The following MAGI2 variants were observed in gnomAD, a reference collection of about 807,000 sequenced individuals.
MAGI2 encodes the protein membrane associated guanylate kinase, WW and PDZ domain containing 2.
MAGI2 carries 35 observed loss-of-function variants against 133.3 expected under a neutral mutation model. That is an observed-to-expected ratio of 0.26 (90% CI 0.20 to 0.35). MAGI2 has a LOEUF of 0.35. Among genes scored for constraint, MAGI2 ranks in the 10% least tolerant of loss-of-function variants. The probability of loss-of-function intolerance (pLI) is 1.00; values close to 1 mark genes in which losing one functional copy is unlikely to be tolerated. For synonymous variants in MAGI2, 729 were observed against 710.6 expected (o/e 1.03, Z -0.41); for missense variants, 1,636 against 1,863.4 (o/e 0.88, Z 2.25).
chr7:78,325,898 G>A (rs1368598976), intron 9 of MAGI2, among the ~76,000 whole-genome samples: 2 of 152,166 alleles, frequency 1.3e-5, no homozygotes, highest in African/African-American at 4.8e-5. Flanking sequence ...CTCTCCAGAG[G>A]TATCTTTTGA....
intron 1 of MAGI2, among the ~76,000 whole-genome samples, chr7:79,149,063 A>T (rs1337648323): frequency 3.5e-5 from 5 of 143,954 alleles, no homozygotes; most frequent in African/African-American, 1.3e-4. Flanking sequence ...ATATAATATA[A>T]TATATTATAT....
intron 4 of MAGI2, among the ~76,000 whole-genome samples, chr7:78,503,909 G>T (rs1262926592): frequency 1.3e-5 from 2 of 151,664 alleles, no homozygotes; most frequent in South Asian, 4.2e-4. Context: ...GGAACTGTAG[G>T]TCAATTAAAC....
intron 9 of MAGI2, among the ~76,000 whole-genome samples, chr7:78,324,726 C>T (rs763536368): frequency 5.9e-5 from 9 of 152,002 alleles, no homozygotes; most frequent in Non-Finnish European, 7.4e-5. Flanking sequence ...TTTGGGAGGC[C>T]GAGGCTGGTG....
At chr7:78,355,953 T>C (rs1792035785) in intron 7 of MAGI2, among the ~76,000 whole-genome samples, 1 of 152,152 alleles carries the variant, frequency 6.6e-6, no homozygotes, top group African/African-American at 2.4e-5. Flanking sequence ...GTTTTACATA[T>C]TGGAGAAAGT....
intron 1 of MAGI2, among the ~76,000 whole-genome samples, chr7:79,444,867 A>T: frequency 6.6e-6 from 1 of 152,234 alleles, no homozygotes. Flanking sequence ...GTCAATCCTA[A>T]GCCAAAAGAA....
At chr7:78,893,693 A>G (rs1160312691) in intron 2 of MAGI2, among the ~76,000 whole-genome samples, 1 of 152,016 alleles carries the variant, frequency 6.6e-6, no homozygotes, top group African/African-American at 2.4e-5. Flanking sequence ...GAACACATGG[A>G]CACAGGAAGG....
rs189770063 is a variant in MAGI2, at chr7:78,732,519, C to A, written c.419-105280G>T. On this transcript the variant is annotated intron_variant, in intron 2 of 21. Transcript: ENST00000354212. Reference sequence around the variant, plus strand: ...AATCTGCAATTTACTTTGAAATGCACCAGAAATAGGATGGATTGAAAGAAG... The same window carrying A: ...AATCTGCAATTTACTTTGAAATGCAACAGAAATAGGATGGATTGAAAGAAG... Among the ~76,000 whole-genome samples, 37 of 151,996 alleles carry A rather than the reference C, an allele frequency of 2.4e-4. No individual in the cohort carries two copies. In the East Asian group the frequency reaches 7.0e-3, roughly 29 times the overall value.
chr7:79,362,418 T>C (rs1290290161), intron 1 of MAGI2, among the ~76,000 whole-genome samples: 1 of 152,114 alleles, frequency 6.6e-6, no homozygotes, highest in Non-Finnish European at 1.5e-5. Flanking sequence ...CTGTTTCACT[T>C]GAGAATTTTA....
chr7:79,451,581 C>T (rs908401921), intron 1 of MAGI2, among the ~76,000 whole-genome samples: 2 of 152,178 alleles, frequency 1.3e-5, no homozygotes, highest in Admixed American at 6.5e-5. Flanking sequence ...CCAAGGAAAA[C>T]ATTTTCTTGT....
chr7:78,223,075 T>C (rs995315213), intron 10 of MAGI2, among the ~76,000 whole-genome samples: 2 of 152,188 alleles, frequency 1.3e-5, no homozygotes, highest in Non-Finnish European at 2.9e-5. Flanking sequence ...CTCTCAATTG[T>C]CTGGGCAGTC....
intron 2 of MAGI2, among the ~76,000 whole-genome samples, chr7:78,736,516 G>T (rs555474646): frequency 1.3e-5 from 2 of 152,130 alleles, no homozygotes; most frequent in African/African-American, 2.4e-5. Context: ...ATCTTAAAGA[G>T]GTCATAACCC....
At chr7:78,385,835 C>T (rs1393499067) in intron 6 of MAGI2, among the ~76,000 whole-genome samples, 1 of 152,090 alleles carries the variant, frequency 6.6e-6, no homozygotes, top group African/African-American at 2.4e-5. Context: ...TCATATAATA[C>T]CAGCCTTATA....
intron 1 of MAGI2, among the ~76,000 whole-genome samples, chr7:79,016,898 A>G (rs1808788731): frequency 1.3e-5 from 2 of 152,226 alleles, no homozygotes; most frequent in African/African-American, 4.8e-5. Flanking sequence ...AACACAGGAC[A>G]CACAGTCCCA....
chr7:79,402,388 T>C (rs1279904844), intron 1 of MAGI2, among the ~76,000 whole-genome samples: 1 of 152,178 alleles, frequency 6.6e-6, no homozygotes, highest in African/African-American at 2.4e-5. Context: ...GCCAAAACTT[T>C]CATTTCATGT....
chr7:78,661,256 T>C (rs532720806), intron 2 of MAGI2, among the ~76,000 whole-genome samples: 32 of 147,486 alleles, frequency 2.2e-4, no homozygotes, highest in Admixed American at 2.7e-4. Context: ...TTGCTATTCT[T>C]ATTTTTCATT....
At chr7:79,006,781 C>G (rs1297671390) in intron 2 of MAGI2, 3 of 224,936 alleles carry the variant, frequency 1.3e-5, no homozygotes, top group Non-Finnish European at 2.6e-5. Flanking sequence ...GTTCTATCTC[C>G]ATCATAATTC....
chr7:78,907,957 A>C (rs1390935066), intron 2 of MAGI2, among the ~76,000 whole-genome samples: 2 of 151,076 alleles, frequency 1.3e-5, no homozygotes, highest in African/African-American at 4.8e-5. Context: ...GACTTTATGA[A>C]GAAGGGAATA....
chr7:78,020,475 G>T (rs1408598885), intron 21 of MAGI2, among the ~76,000 whole-genome samples: 1 of 152,130 alleles, frequency 6.6e-6, no homozygotes, highest in East Asian at 1.9e-4. Flanking sequence ...TCTGAAAAAG[G>T]TGGCCTAGCA....
chr7:78,284,287 TTC>T (rs1369640217), intron 9 of MAGI2, among the ~76,000 whole-genome samples: 1 of 152,046 alleles, frequency 6.6e-6, no homozygotes, highest in Non-Finnish European at 1.5e-5. Flanking sequence ...AAATAGCCAA[TTC>T]TGTTTAAAAA....
Sources: gnomAD v4.1 joint callset for allele counts (sites outside exome capture counted in the v4.1 genomes callset) on GRCh38, gnomAD v4.1.1 for gene constraint, MANE v1.5 for transcripts, NCBI Gene and HGNC (gene_info 2026-07-23, HGNC 2026-07-21) for gene names.